PDE5A: variants seen among roughly 807,000 people sequenced by gnomAD.
The protein encoded by PDE5A is cGMP-specific 3',5'-cyclic phosphodiesterase.
A neutral mutation model predicts 110.2 loss-of-function variants in PDE5A; 67 were observed. The ratio of observed to expected loss-of-function variants is 0.61; its 90% CI spans 0.50 to 0.75. The LOEUF is 0.75. Ranked by LOEUF, PDE5A falls within the 30% of genes least tolerant of loss-of-function variation. The pLI is 0.00. For missense variants in PDE5A, 862 were observed against 1,045.1 expected, an observed-to-expected ratio of 0.82 and a Z score of 2.42; for synonymous variants, 328 against 351.2, an observed-to-expected ratio of 0.93 and a Z score of 0.74.
intron 11 of PDE5A, 148 bp downstream of exon 11, chr4:119,538,812 T>C (rs1380385429): frequency 2.9e-6 from 2 of 699,134 alleles, no homozygotes. Context: ...TTTAATGCCT[T>C]TTGCTTTGTA....
intron 3 of PDE5A, among the ~76,000 whole-genome samples, chr4:119,574,245 C>T (rs1415174208): frequency 8.0e-6 from 1 of 124,384 alleles, no homozygotes; most frequent in East Asian, 2.6e-4. Flanking sequence ...TGTAATGATG[C>T]GCTCTCGGCT....
At chr4:119,613,329 T>G (rs1355454612) in intron 1 of PDE5A, among the ~76,000 whole-genome samples, 1 of 152,206 alleles carries the variant, frequency 6.6e-6, no homozygotes, top group Admixed American at 6.5e-5. Flanking sequence ...CAAAACCTTC[T>G]CATGAACTTT....
chr4:119,609,627 C>T (rs185258030), intron 1 of PDE5A, among the ~76,000 whole-genome samples: 190 of 152,018 alleles, frequency 1.2e-3, no homozygotes, highest in African/African-American at 4.5e-3. Flanking sequence ...AAAAATATTA[C>T]CCCCCTTATA....
In PDE5A at chr4:119,547,155, A is replaced by G. The variant is rs534969860; in HGVS notation, c.1397-4521T>C. Among the ~76,000 whole-genome samples, 8 of 144,166 alleles carry G rather than the reference A, an allele frequency of 5.5e-5. No individual in the cohort carries two copies. In the South Asian group the frequency reaches 1.5e-3, roughly 28 times the overall value. 94.6% of individuals were successfully genotyped at this position (144,166 alleles called of 152,430 possible). Reference sequence around the variant, plus strand: ...AACAAATTCTTTCTCAGTTACTCCCATGAACAATTCTAAAATCCTCTTGAG... The same window carrying G: ...AACAAATTCTTTCTCAGTTACTCCCGTGAACAATTCTAAAATCCTCTTGAG... On this transcript the variant is annotated intron_variant, in intron 9 of 20. Transcript: ENST00000354960.
At chr4:119,510,175 A>G (rs1725689160) in intron 15 of PDE5A, among the ~76,000 whole-genome samples, 1 of 151,974 alleles carries the variant, frequency 6.6e-6, no homozygotes, top group Non-Finnish European at 1.5e-5. Context: ...AGGAGTACAC[A>G]TTTTTGTTTC....
chr4:119,541,451 C>T (rs555794098), intron 10 of PDE5A, among the ~76,000 whole-genome samples: 4 of 151,728 alleles, frequency 2.6e-5, no homozygotes, highest in African/African-American at 9.7e-5. Flanking sequence ...TATATGTGTA[C>T]ATATATATTT....
intron 3 of PDE5A, among the ~76,000 whole-genome samples, chr4:119,575,715 C>A (rs1241934679): frequency 6.6e-6 from 1 of 152,168 alleles, no homozygotes; most frequent in Non-Finnish European, 1.5e-5. Context: ...ACAACCGGTA[C>A]CAGCCACTGC....
chr4:119,497,662 GAA>G lies in PDE5A; in HGVS notation c.*937_*938del, dbSNP rs1725124677. On this transcript the variant is annotated 3_prime_UTR_variant, in exon 21 of 21. Transcript: ENST00000354960. Reference sequence around the variant, plus strand: ...CTTTTCTTTAAATTTCAATTGACAGGAAAAAGAGTCATTTTGTACTCTCTTAT... The same window carrying G: ...CTTTTCTTTAAATTTCAATTGACAGGAAAGAGTCATTTTGTACTCTCTTAT... 6.6e-6 allele frequency: 1 copy of G among 152,036 alleles called. No homozygotes were observed. Among genetic ancestry groups the G allele is most frequent in the Non-Finnish European group, 1.5e-5 (1 of 67,988 alleles). The allele number at this position is 152,036 out of a possible 1,614,324, so 9.4% of individuals were successfully genotyped here.
intron 3 of PDE5A, among the ~76,000 whole-genome samples, chr4:119,568,858 G>A (rs1294476123): frequency 6.6e-6 from 1 of 152,160 alleles, no homozygotes; most frequent in African/African-American, 2.4e-5. Context: ...ACCTGGAACT[G>A]TATGAAGCAA....
intron 9 of PDE5A, chr4:119,550,159 C>T (rs998354595): frequency 1.3e-5 from 2 of 152,136 alleles, no homozygotes; most frequent in South Asian, 4.1e-4. Context: ...AATTTTCCCC[C>T]TTATATTTGG....
intron 1 of PDE5A, among the ~76,000 whole-genome samples, chr4:119,610,469 A>G (rs749187107): frequency 6.6e-6 from 1 of 152,168 alleles, no homozygotes; most frequent in Non-Finnish European, 1.5e-5. Context: ...ACTTAGCCCC[A>G]ACTTATTTCT....
Position 119,587,227 on chromosome 4 carries a change from C to CT in PDE5A, c.831+9295dup, listed in dbSNP as rs35539932. Among the ~76,000 whole-genome samples, 912 of 134,076 alleles carry CT rather than the reference C, an allele frequency of 6.8e-3. 18 individuals carry two copies. Among genetic ancestry groups the CT allele is most frequent in the African/African-American group, 0.022 (802 of 36,530 alleles). The allele number at this position is 134,076 out of a possible 152,430, so 88.0% of individuals were successfully genotyped here. A position where few individuals can be genotyped will look rare whatever the true frequency, so the allele number is the denominator to read the frequency against. The stretch of plus-strand genomic sequence containing the variant: ...TGCAGTGAACGATTTGTAACTTTTC[C>CT]TTTTTTTTTTTTTTTTTCAGGCTGG... On this transcript the variant is annotated intron_variant, in intron 3 of 20. Coordinates refer to ENST00000354960, the MANE Select transcript of PDE5A (RefSeq NM_001083.4).
intron 18 of PDE5A, 63 bp downstream of exon 18, chr4:119,504,473 G>A: frequency 1.6e-6 from 2 of 1,262,492 alleles, no homozygotes; most frequent in East Asian, 4.7e-5. Context: ...CCTAGTAGTG[G>A]GATTGCTGGG....
At chr4:119,558,154 A>G (rs1346761446) in intron 7 of PDE5A, among the ~76,000 whole-genome samples, 1 of 152,162 alleles carries the variant, frequency 6.6e-6, no homozygotes, top group Non-Finnish European at 1.5e-5. Context: ...ACTTCCCACC[A>G]TGTGGAAATG....
chr4:119,557,034 A>AT (rs35585470), intron 7 of PDE5A, among the ~76,000 whole-genome samples: 71,625 of 151,324 alleles, frequency 0.47, 17,206 homozygotes, highest in South Asian at 0.64. Context: ...TAGCTGACCA[A>AT]TGTCTCAAGT....
Position 119,498,577 on chromosome 4 carries a change from T to TC in PDE5A, c.*23dup. ...GCAGAACACACCATCTCTGTAAACTTCAACTCTGCATGAAATAGGCCACTC... is the reference window on the plus strand; with the variant it reads ...GCAGAACACACCATCTCTGTAAACTTCCAACTCTGCATGAAATAGGCCACTC... On this transcript the variant is annotated 3_prime_UTR_variant, in exon 21 of 21. Coordinates refer to ENST00000354960, the MANE Select transcript of PDE5A (RefSeq NM_001083.4). The TC allele has an allele frequency of 1.2e-6, 2 of 1,613,612 alleles. No homozygotes were observed. The highest frequency in any genetic ancestry group is 1.7e-6 in the Non-Finnish European group (2 of 1,179,704).
intron 3 of PDE5A, among the ~76,000 whole-genome samples, chr4:119,592,194 G>A (rs1361425919): frequency 4.1e-4 from 59 of 142,402 alleles, no homozygotes; most frequent in African/African-American, 1.4e-3. Context: ...GGTGGCTCAT[G>A]CCTGTAATCC....
In PDE5A at chr4:119,560,278, G is replaced by A. The variant is rs762643928; in HGVS notation, c.1199+18C>T. On this transcript the variant is annotated intron_variant, in intron 7 of 20. Transcript: ENST00000354960. Reference sequence around the variant, plus strand: ...TTATATCATGTGATAAAGACAAGTAGAGAATACGTGCTTTTACCTTGTTAA... The same window carrying A: ...TTATATCATGTGATAAAGACAAGTAAAGAATACGTGCTTTTACCTTGTTAA... 3.5e-6 allele frequency: 5 copies of A among 1,446,998 alleles called. No homozygotes were observed. The Admixed American group carries it at 7.4e-5, about 21-fold the overall frequency. The allele number at this position is 1,446,998 out of a possible 1,614,324, so 89.6% of individuals were successfully genotyped here.
intron 9 of PDE5A, among the ~76,000 whole-genome samples, chr4:119,548,019 G>A (rs1175907390): frequency 2.0e-5 from 3 of 147,558 alleles, no homozygotes; most frequent in Non-Finnish European, 4.5e-5. Flanking sequence ...CCACTGTGAT[G>A]ATCACTTTGT....
Sources: gnomAD v4.1 joint callset for allele counts (sites outside exome capture counted in the v4.1 genomes callset) on GRCh38, gnomAD v4.1.1 for gene constraint, MANE v1.5 for transcripts, NCBI Gene and HGNC (gene_info 2026-07-23, HGNC 2026-07-21) for gene names.